The following FNBP1 variants were observed in gnomAD, a reference collection of about 807,000 sequenced individuals.
FNBP1 encodes the protein formin binding protein 1, also known as formin-binding protein 1.
A neutral mutation model predicts 90.6 loss-of-function variants in FNBP1; 26 were observed. That is an observed-to-expected ratio of 0.29 (90% CI 0.21 to 0.40). The LOEUF (loss-of-function observed/expected upper bound fraction) is 0.40, where lower values mean the gene tolerates loss of function less well. FNBP1 is among the 10% of genes least tolerant of loss of function. FNBP1 has a pLI of 1.00. For synonymous variants in FNBP1, 260 were observed against 265.2 expected, an observed-to-expected ratio of 0.98 and a Z score of 0.19; for missense variants, 635 against 768.0, an observed-to-expected ratio of 0.83 and a Z score of 2.05.
intron 10 of FNBP1, among the ~76,000 whole-genome samples, chr9:129,922,006 T>C (rs2131839833): frequency 6.6e-6 from 1 of 152,168 alleles, no homozygotes; most frequent in South Asian, 2.1e-4. Flanking sequence ...AACTTATGTT[T>C]GTACAAGAAA....
chr9:130,002,513 C>T (rs539558461), intron 1 of FNBP1, among the ~76,000 whole-genome samples: 1 of 152,228 alleles, frequency 6.6e-6, no homozygotes, highest in Admixed American at 6.5e-5. Context: ...CCCAGCACCT[C>T]CCCCCTCTCT....
chr9:129,983,777 C>G (rs1188808524), intron 2 of FNBP1, among the ~76,000 whole-genome samples: 1 of 152,132 alleles, frequency 6.6e-6, no homozygotes, highest in Non-Finnish European at 1.5e-5. Context: ...TGCCACTGCA[C>G]TCCAGCCTGG....
At chr9:129,897,957 G>C (rs1404041965) in intron 15 of FNBP1, among the ~76,000 whole-genome samples, 3 of 152,034 alleles carry the variant, frequency 2.0e-5, no homozygotes, top group Non-Finnish European at 2.9e-5. Context: ...AGCCTCCCGA[G>C]TAGCTGGGAT....
intron 1 of FNBP1, among the ~76,000 whole-genome samples, chr9:130,004,079 T>G (rs1222208440): frequency 2.0e-5 from 3 of 151,896 alleles, no homozygotes; most frequent in African/African-American, 7.3e-5. Flanking sequence ...TCAACTTTAA[T>G]ATGGTGTTTT....
chr9:129,894,630 T>C (rs893137590), intron 16 of FNBP1, among the ~76,000 whole-genome samples: 1 of 148,942 alleles, frequency 6.7e-6, no homozygotes, highest in Admixed American at 6.7e-5. Flanking sequence ...TGGGCAAGCG[T>C]GAGTGCAGCT....
intron 12 of FNBP1, among the ~76,000 whole-genome samples, chr9:129,904,601 G>A (rs2037617196): frequency 6.6e-6 from 1 of 152,204 alleles, no homozygotes; most frequent in African/African-American, 2.4e-5. Flanking sequence ...ATAACAGGAA[G>A]AGAGCTTCTA....
At chr9:130,006,925 T>A (rs1200929886) in intron 1 of FNBP1, among the ~76,000 whole-genome samples, 1 of 151,816 alleles carries the variant, frequency 6.6e-6, no homozygotes, top group Non-Finnish European at 1.5e-5. Context: ...TGCATATGGA[T>A]GAAGTTAGTG....
rs2059993043 is a variant in FNBP1 at position 130,043,152 on chromosome 9, C to T, written c.-177G>A. The T allele has an allele frequency of 7.0e-6, 3 of 431,120 alleles. No homozygotes were observed. In the East Asian group the frequency reaches 1.1e-4, roughly 16 times the overall value. 26.7% of individuals were successfully genotyped at this position (431,120 alleles called of 1,614,324 possible). A position where few individuals can be genotyped will look rare whatever the true frequency, so the allele number is the denominator to read the frequency against. ...CTCCTCGGCGGCTCCTCCTCCCCGCCGCTCCACAGCAAAATGGCCCGAGGA... is the reference window on the plus strand; with the variant it reads ...CTCCTCGGCGGCTCCTCCTCCCCGCTGCTCCACAGCAAAATGGCCCGAGGA... On this transcript the variant is annotated 5_prime_UTR_variant, in exon 1 of 17. Coordinates refer to ENST00000446176, the MANE Select transcript of FNBP1 (RefSeq NM_015033.3).
chr9:129,951,490 G>A (rs2046165257), intron 6 of FNBP1, among the ~76,000 whole-genome samples: 1 of 152,024 alleles, frequency 6.6e-6, no homozygotes, highest in Admixed American at 6.6e-5. Flanking sequence ...CACCTAGGCT[G>A]GAGTGCAGTG....
chr9:129,940,390 T>A (rs1381725101), intron 6 of FNBP1, among the ~76,000 whole-genome samples: 1 of 152,106 alleles, frequency 6.6e-6, no homozygotes, highest in Non-Finnish European at 1.5e-5. Context: ...ATTGAAATTT[T>A]AAAATTCAAT....
chr9:129,890,686 C>T lies in FNBP1; in HGVS notation c.1847-140G>A, dbSNP rs1408281912. On this transcript the variant is annotated intron_variant, in intron 16 of 16. Transcript: ENST00000446176. The surrounding 1 kb of genome is among the most constrained non-coding windows in gnomAD (Gnocchi z 5.8). ...GTGGGAGGGGAGGGATGGGAGGGGG[C>T]GTCTTAGAGCAATCGGTTACCACAG... The T allele has an allele frequency of 1.5e-5, 10 of 675,054 alleles. No homozygotes were observed. The allele number at this position is 675,054 out of a possible 1,614,324, so 41.8% of individuals were successfully genotyped here.
At chr9:129,995,481 A>G (rs951782991) in intron 1 of FNBP1, among the ~76,000 whole-genome samples, 1 of 152,196 alleles carries the variant, frequency 6.6e-6, no homozygotes, top group African/African-American at 2.4e-5. Context: ...CAGTGCCTGG[A>G]GCTGGGGAAC....
intron 1 of FNBP1, among the ~76,000 whole-genome samples, chr9:130,023,122 GA>G (rs1232086051): frequency 6.6e-6 from 1 of 151,952 alleles, no homozygotes; most frequent in African/African-American, 2.4e-5. Flanking sequence ...ATTTGTAAGG[GA>G]GGGGGGAATT....
intron 12 of FNBP1, among the ~76,000 whole-genome samples, chr9:129,903,484 C>A (rs1192347647): frequency 6.6e-6 from 1 of 152,194 alleles, no homozygotes; most frequent in Non-Finnish European, 1.5e-5. Context: ...AGGAATTCTG[C>A]TACCAATGGC....
At chr9:129,992,955 G>A (rs1349122007) in intron 2 of FNBP1, among the ~76,000 whole-genome samples, 3 of 149,896 alleles carry the variant, frequency 2.0e-5, no homozygotes, top group African/African-American at 4.9e-5. Flanking sequence ...GGCTGGGCAC[G>A]GTGGCTCACG....
intron 8 of FNBP1, among the ~76,000 whole-genome samples, chr9:129,926,801 G>T (rs1416290848): frequency 6.6e-6 from 1 of 151,404 alleles, no homozygotes; most frequent in African/African-American, 2.4e-5. Flanking sequence ...CAGGAGAATC[G>T]CTTGAACCCG....
chr9:130,026,570 C>CA (rs1350769161), intron 1 of FNBP1, among the ~76,000 whole-genome samples: 3 of 152,048 alleles, frequency 2.0e-5, no homozygotes, highest in Non-Finnish European at 2.9e-5. Flanking sequence ...GAATAAGCAG[C>CA]AGAGACAGAA....
intron 1 of FNBP1, among the ~76,000 whole-genome samples, chr9:130,004,263 GAAAA>G (rs11327035): frequency 7.3e-6 from 1 of 137,004 alleles, no homozygotes; most frequent in Non-Finnish European, 1.6e-5. Flanking sequence ...ACTCCATCTC[GAAAA>G]AAAAAAAAAG....
intron 16 of FNBP1, among the ~76,000 whole-genome samples, chr9:129,892,366 G>GAGACACACACACAC (rs1245549624): frequency 9.7e-6 from 1 of 103,428 alleles, no homozygotes; most frequent in African/African-American, 4.2e-5. Flanking sequence ...GCACATCGTA[G>GAGACACACACACAC]ACACACACAC....
Sources: gnomAD v4.1 joint callset for allele counts (sites outside exome capture counted in the v4.1 genomes callset) on GRCh38, gnomAD v4.1.1 for gene constraint, Gnocchi (gnomAD v3.1) non-coding constraint, MANE v1.5 for transcripts, NCBI Gene and HGNC (gene_info 2026-07-23, HGNC 2026-07-21) for gene names.